Variants in NCKAP5 observed in about 807,000 individuals in gnomAD.
NCKAP5 encodes the protein NCK associated protein 5, also known as nck-associated protein 5.
In NCKAP5, 92 loss-of-function variants were observed where a neutral mutation model predicts 167.0. That is an observed-to-expected ratio of 0.55 (90% CI 0.47 to 0.66). NCKAP5 has a LOEUF of 0.66. Among genes scored for constraint, NCKAP5 ranks in the 30% least tolerant of loss-of-function variants. The pLI is 0.00. For synonymous variants in NCKAP5, 891 were observed against 877.4 expected, an observed-to-expected ratio of 1.02 and a Z score of -0.27; for missense variants, 2,378 against 2,315.0, an observed-to-expected ratio of 1.03 and a Z score of -0.56.
chr2:133,116,487 CAAAAAAAAAAAA>C (rs1176731938), intron 6 of NCKAP5, among the ~76,000 whole-genome samples: 1 of 7,152 alleles, frequency 1.4e-4, no homozygotes, highest in African/African-American at 6.7e-4. Context: ...GACTCCGTCT[CAAAAAAAAAAAA>C]AAAAAAAAAA....
chr2:133,081,973 T>G (rs542218097), intron 6 of NCKAP5, among the ~76,000 whole-genome samples: 1 of 152,168 alleles, frequency 6.6e-6, no homozygotes, highest in South Asian at 2.1e-4. Flanking sequence ...GTACAGATTA[T>G]TTCTTTATCC....
At chr2:133,624,824 A>G in the NCKAP5 span, among the ~76,000 whole-genome samples, 1 of 152,220 alleles carries the variant, frequency 6.6e-6, no homozygotes, top group African/African-American at 2.4e-5. Flanking sequence ...TATATATCAT[A>G]TTCTTTTGAT....
At chr2:133,061,193 G>T (rs561534694) in intron 6 of NCKAP5, among the ~76,000 whole-genome samples, 42 of 152,278 alleles carry the variant, frequency 2.8e-4, no homozygotes, top group African/African-American at 9.6e-4. Flanking sequence ...TTTGGACAAA[G>T]AATTTAGAGT....
rs749572030 is a variant in NCKAP5 at position 132,782,120 on chromosome 2, G to A, written c.4691C>T (p.Thr1564Ile). The change falls in exon 14 of 20, where the codon ACA (threonine) becomes ATA (isoleucine). Residue 1564 changes from threonine to isoleucine, a missense_variant. By Grantham distance (89) the Thr-to-Ile change is moderately conservative. This residue lies in a region of NCKAP5 where 1,325 missense variants were observed against 1,274.5 expected (regional missense o/e 1.04). Transcript: ENST00000409261. ...EKKKPELQCE[T>I]ENELIKDTKS... ...GGTGTCCTTGATAAGCTCATTTTCT[G>A]TCTCACACTGTAGTTCAGGCTTCTT... is the stretch of plus-strand genomic sequence containing the variant. 7 of 1,613,952 alleles carry A rather than the reference G, an allele frequency of 4.3e-6. No homozygotes were observed. The highest frequency in any genetic ancestry group is 5.1e-6 in the Non-Finnish European group (6 of 1,179,882).
intron 3 of NCKAP5, among the ~76,000 whole-genome samples, chr2:133,396,804 A>C (rs1687759277): frequency 6.6e-6 from 1 of 152,188 alleles, no homozygotes. Context: ...CCCATAACAT[A>C]CAGTACTATA....
chr2:133,630,001 G>A, the NCKAP5 span, among the ~76,000 whole-genome samples: 7 of 152,040 alleles, frequency 4.6e-5, no homozygotes, highest in South Asian at 1.3e-3. Flanking sequence ...AGGTGAGGAG[G>A]GACAGCATTA....
chr2:132,755,342 T>A (rs1680445083), intron 16 of NCKAP5, among the ~76,000 whole-genome samples: 1 of 152,168 alleles, frequency 6.6e-6, no homozygotes, highest in African/African-American at 2.4e-5. Flanking sequence ...GCCTTTCTCA[T>A]CATGTGTGAG....
rs563196130 is a variant in NCKAP5, at chr2:132,732,491, C to T, written c.5129-440G>A. Among the ~76,000 whole-genome samples the T allele has an allele frequency of 1.4e-3, 206 of 152,068 alleles. 1 individual carries two copies. The highest frequency in any genetic ancestry group is 2.4e-3 in the Non-Finnish European group (161 of 67,992). ...CCAGTATTAGTGGTGTAGTAAATTT[C>T]CAGTGAGGTGCATGAAGTGGACCTT... On this transcript the variant is annotated intron_variant, in intron 16 of 19. Transcript: ENST00000409261.
the NCKAP5 span, among the ~76,000 whole-genome samples, chr2:133,636,372 G>C: frequency 1.5e-3 from 233 of 152,238 alleles, no homozygotes; most frequent in Middle Eastern, 3.4e-3. Flanking sequence ...AAAACAGTAA[G>C]AAAAACCTGG....
intron 3 of NCKAP5, among the ~76,000 whole-genome samples, chr2:133,486,102 A>G (rs946584210): frequency 1.3e-5 from 2 of 152,200 alleles, no homozygotes; most frequent in Non-Finnish European, 2.9e-5. Flanking sequence ...GGATAGTGAC[A>G]AAGTCCACAA....
chr2:133,171,293 A>G (rs1200609999), intron 5 of NCKAP5, among the ~76,000 whole-genome samples: 1 of 152,206 alleles, frequency 6.6e-6, no homozygotes, highest in African/African-American at 2.4e-5. Flanking sequence ...AATCCTTTTA[A>G]TCCAGCAGAA....
intron 6 of NCKAP5, among the ~76,000 whole-genome samples, chr2:133,054,972 A>G (rs1214604141): frequency 6.6e-6 from 1 of 152,338 alleles, no homozygotes; most frequent in African/African-American, 2.4e-5. Flanking sequence ...ACATATCTGT[A>G]TAAGGCCTCA....
intron 5 of NCKAP5, among the ~76,000 whole-genome samples, chr2:133,191,285 G>A (rs1156401072): frequency 3.9e-5 from 6 of 152,190 alleles, no homozygotes; most frequent in Admixed American, 3.9e-4. Context: ...AGGTGCTGGA[G>A]AGGATGTGGA....
At chr2:133,334,489 A>T (rs1403736517) in intron 3 of NCKAP5, among the ~76,000 whole-genome samples, 1 of 152,170 alleles carries the variant, frequency 6.6e-6, no homozygotes, top group Non-Finnish European at 1.5e-5. Context: ...TGATCACGAG[A>T]GTTGAATATG....
Position 132,781,234 on chromosome 2 carries a change from A to G in NCKAP5, c.4872-5T>C. On this transcript the variant is annotated splice_polypyrimidine_tract_variant and splice_region_variant and intron_variant, in intron 14 of 19. Coordinates refer to ENST00000409261, the MANE Select transcript of NCKAP5 (RefSeq NM_207363.3). The stretch of plus-strand genomic sequence containing the variant: ...GGAGCTGCTTTCTTATCAACTCTGC[A>G]GGTAGAAAGTGATTCCTCTGATAAG... 1 of 1,610,794 alleles carries G rather than the reference A, an allele frequency of 6.2e-7. No homozygotes were observed. The highest frequency in any genetic ancestry group is 1.1e-5 in the South Asian group (1 of 90,176).
intron 5 of NCKAP5, among the ~76,000 whole-genome samples, chr2:133,181,265 C>T (rs577041535): frequency 2.0e-5 from 3 of 152,060 alleles, no homozygotes; most frequent in African/African-American, 7.2e-5. Flanking sequence ...CACTGATATA[C>T]TTCTTAGTTA....
Position 132,785,700 on chromosome 2 carries a change from C to A in NCKAP5, c.1111G>T (p.Asp371Tyr). 1 of 1,492,470 alleles carries A rather than the reference C, an allele frequency of 6.7e-7. No individual in the cohort carries two copies. The highest frequency in any genetic ancestry group is 8.9e-7 in the Non-Finnish European group (1 of 1,122,048). 92.5% of individuals were successfully genotyped at this position (1,492,470 alleles called of 1,614,324 possible). A position where few individuals can be genotyped will look rare whatever the true frequency, so the allele number is the denominator to read the frequency against. The change falls in exon 14 of 20, where the codon GAT becomes TAT. Residue 371 changes from aspartate to tyrosine, a missense_variant. Physicochemically the swap from Asp to Tyr is radical, Grantham distance 160. This residue lies in a region of NCKAP5 where 1,049 missense variants were observed against 1,023.4 expected (regional missense o/e 1.02). Transcript: ENST00000409261. ...GAAGAATCAATACTTAGCCTTTTAT[C>A]CCAGTTTTGTGATGATTGCTAGGAA... ...LRKRQSSQNWDKRLSIDSSLP... is the reference protein window; with the variant it reads ...LRKRQSSQNWYKRLSIDSSLP...
chr2:132,721,353 G>GC (rs1553481189), intron 19 of NCKAP5, among the ~76,000 whole-genome samples: 2 of 151,812 alleles, frequency 1.3e-5, no homozygotes, highest in Non-Finnish European at 2.9e-5. Context: ...GAACCAAGGA[G>GC]AAAGGGTGTG....
chr2:133,547,232 C>G (rs1332166213), intron 2 of NCKAP5, among the ~76,000 whole-genome samples: 1 of 152,158 alleles, frequency 6.6e-6, no homozygotes, highest in Admixed American at 6.5e-5. Context: ...GTCCTACGCC[C>G]ACGGAGTCTC....
Sources: allele counts gnomAD v4.1 joint callset (sites outside exome capture counted in the v4.1 genomes callset), GRCh38; gene constraint gnomAD v4.1.1; regional missense constraint gnomAD v4.1.1; transcripts MANE v1.5; gene names NCBI Gene and HGNC (gene_info 2026-07-23, HGNC 2026-07-21).